GPC6: variants seen among roughly 807,000 people sequenced by gnomAD.
The protein encoded by GPC6 is glypican-6.
GPC6 carries 14 observed loss-of-function variants against 55.2 expected under a neutral mutation model. The ratio of observed to expected loss-of-function variants is 0.25; its 90% CI spans 0.17 to 0.40. The LOEUF is 0.40. Among genes scored for constraint, GPC6 ranks in the 10% least tolerant of loss-of-function variants. The pLI is 1.00. For missense variants in GPC6, 641 were observed against 708.5 expected (o/e 0.90, Z 1.08); for synonymous variants, 278 against 259.6 (o/e 1.07, Z -0.68).
At chr13:94,016,984 G>C (rs1361845782) in intron 3 of GPC6, among the ~76,000 whole-genome samples, 1 of 151,890 alleles carries the variant, frequency 6.6e-6, no homozygotes, top group Non-Finnish European at 1.5e-5. Context: ...ACAGGTGCCC[G>C]CCACCATGCC....
intron 1 of GPC6, among the ~76,000 whole-genome samples, chr13:93,450,426 A>G (rs1467925849): frequency 6.6e-6 from 1 of 152,188 alleles, no homozygotes; most frequent in African/African-American, 2.4e-5. Flanking sequence ...TTTGGAATTG[A>G]GCCATAAGTG....
rs148597385 is a variant in GPC6, at chr13:93,847,447, C to T, written c.711+16902C>T. Among the ~76,000 whole-genome samples, 34 of 152,214 alleles carry T rather than the reference C, an allele frequency of 2.2e-4. 1 individual carries two copies. Among genetic ancestry groups the T allele is most frequent in the African/African-American group, 7.2e-4 (30 of 41,550 alleles). ...AAACCACATGACTCATTTGTGTTCA[C>T]GTAGATTTGAGGGTGTTTCACAATC... On this transcript the variant is annotated intron_variant, in intron 3 of 8. Transcript: ENST00000377047.
chr13:93,428,023 A>T (rs998796738), intron 1 of GPC6, among the ~76,000 whole-genome samples: 10 of 152,116 alleles, frequency 6.6e-5, no homozygotes, highest in Non-Finnish European at 1.5e-5. Context: ...TTCTGCTGAA[A>T]TTTGATGAAT....
At chr13:93,349,260 C>A (rs368744824) in intron 1 of GPC6, among the ~76,000 whole-genome samples, 1 of 151,598 alleles carries the variant, frequency 6.6e-6, no homozygotes, top group African/African-American at 2.4e-5. Context: ...AACATGTTAG[C>A]TTTTTTTTCC....
chr13:93,757,117 A>T (rs77819723), intron 2 of GPC6, among the ~76,000 whole-genome samples: 8,079 of 152,212 alleles, frequency 0.053, 499 homozygotes, highest in East Asian at 0.18. Flanking sequence ...AATTCCCCAC[A>T]TGGAAATTAA....
chr13:94,144,163 A>G (rs905660033), intron 4 of GPC6, among the ~76,000 whole-genome samples: 6 of 152,080 alleles, frequency 3.9e-5, no homozygotes, highest in African/African-American at 1.4e-4. Context: ...ATGTAAGAAA[A>G]AGACTGAGAG....
intron 2 of GPC6, among the ~76,000 whole-genome samples, chr13:93,551,541 T>C (rs1050718546): frequency 8.5e-5 from 13 of 152,184 alleles, no homozygotes; most frequent in Non-Finnish European, 1.0e-4. Context: ...GAGATGCTAA[T>C]ATCGACAGGT....
At chr13:93,840,735 C>A (rs534758222) in intron 3 of GPC6, among the ~76,000 whole-genome samples, 72 of 152,110 alleles carry the variant, frequency 4.7e-4, no homozygotes, top group African/African-American at 1.7e-3. Context: ...CAAGAACTTC[C>A]CTGGGACCGT....
chr13:93,647,622 T>C (rs1880227015), intron 2 of GPC6, among the ~76,000 whole-genome samples: 4 of 152,202 alleles, frequency 2.6e-5, no homozygotes, highest in African/African-American at 4.8e-5. Flanking sequence ...CCCTTTGTGC[T>C]CATGGGATCC....
intron 1 of GPC6, among the ~76,000 whole-genome samples, chr13:93,390,076 C>T (rs551251191): frequency 1.3e-4 from 19 of 150,990 alleles, no homozygotes; most frequent in African/African-American, 4.1e-4. Context: ...TGGGGATATG[C>T]TGTGTTTAAG....
intron 6 of GPC6, among the ~76,000 whole-genome samples, chr13:94,340,129 A>C (rs1877955596): frequency 6.6e-6 from 1 of 152,116 alleles, no homozygotes; most frequent in Non-Finnish European, 1.5e-5. Flanking sequence ...GGTGGTATCC[A>C]CTCAGTTGCT....
intron 2 of GPC6, among the ~76,000 whole-genome samples, chr13:93,783,026 T>C (rs576279716): frequency 3.0e-4 from 46 of 152,264 alleles, no homozygotes; most frequent in Non-Finnish European, 1.8e-4. Context: ...TGTGTGTCCA[T>C]GTGTTCTCAT....
chr13:93,470,411 T>C (rs1879067157), intron 1 of GPC6, among the ~76,000 whole-genome samples: 1 of 152,160 alleles, frequency 6.6e-6, no homozygotes, highest in Non-Finnish European at 1.5e-5. Flanking sequence ...GTTAATATAA[T>C]GGCTTTTATA....
chr13:93,875,688 TG>T (rs1889271416), intron 3 of GPC6, among the ~76,000 whole-genome samples: 1 of 152,076 alleles, frequency 6.6e-6, no homozygotes, highest in Non-Finnish European at 1.5e-5. Context: ...TAGCTTAGTA[TG>T]TGACACCTGG....
At chr13:93,350,850 G>T (rs2139163792) in intron 1 of GPC6, among the ~76,000 whole-genome samples, 1 of 152,216 alleles carries the variant, frequency 6.6e-6, no homozygotes, top group South Asian at 2.1e-4. Flanking sequence ...GGTTGGAAGG[G>T]TCTCACTAAT....
chr13:94,315,697 T>C (rs1345252461), intron 6 of GPC6, among the ~76,000 whole-genome samples: 1 of 152,224 alleles, frequency 6.6e-6, no homozygotes, highest in African/African-American at 2.4e-5. Flanking sequence ...TAAAAATCCA[T>C]GTCATTACTT....
At chr13:93,231,396 T>TGTATATATATATATATATATATATATAC (rs1876041177) in intron 1 of GPC6, among the ~76,000 whole-genome samples, 1 of 27,060 alleles carries the variant, frequency 3.7e-5, no homozygotes, top group Non-Finnish European at 6.4e-5. Context: ...TATATATATA[T>TGTATATATATATATATATATATATATAC]GTATATATAT....
intron 3 of GPC6, among the ~76,000 whole-genome samples, chr13:93,846,396 A>G (rs1004195273): frequency 1.3e-5 from 2 of 152,182 alleles, no homozygotes; most frequent in African/African-American, 2.4e-5. Flanking sequence ...CTATGCTGTA[A>G]TATTCCACAC....
intron 1 of GPC6, among the ~76,000 whole-genome samples, chr13:93,444,249 GAACTGTTTTTCTATTAAATTTTCAA>G (rs1369760133): frequency 6.8e-6 from 1 of 147,782 alleles, no homozygotes; most frequent in Non-Finnish European, 1.5e-5. Flanking sequence ...GAGAGCAAGG[GAACTGTTTTTCTATTAAATTTTCAA>G]GGTTCATTTT....
Sources: allele counts gnomAD v4.1 joint callset (sites outside exome capture counted in the v4.1 genomes callset), GRCh38; gene constraint gnomAD v4.1.1; transcripts MANE v1.5; gene names NCBI Gene and HGNC (gene_info 2026-07-23, HGNC 2026-07-21).